TENM4: variants seen among roughly 807,000 people sequenced by gnomAD.
The protein encoded by TENM4 is teneurin transmembrane protein 4.
In TENM4, 82 loss-of-function variants were observed where a neutral mutation model predicts 243.3. The observed-to-expected ratio is 0.34, with a 90% confidence interval of 0.28 to 0.40. The LOEUF is 0.40. Among genes scored for constraint, TENM4 ranks in the 10% least tolerant of loss-of-function variants. TENM4 has a pLI of 1.00. For missense variants in TENM4, 3,138 were observed against 3,673.3 expected, an observed-to-expected ratio of 0.85 and a Z score of 3.77; for synonymous variants, 1,412 against 1,456.3, an observed-to-expected ratio of 0.97 and a Z score of 0.69.
intron 28 of TENM4, 43 bp downstream of exon 28, chr11:78,701,483 T>C: frequency 6.6e-7 from 1 of 1,521,766 alleles, no homozygotes; most frequent in Non-Finnish European, 8.8e-7. Flanking sequence ...CTACAATGAA[T>C]TAATGAAACA....
chr11:78,898,363 C>T (rs1362229556), intron 7 of TENM4, among the ~76,000 whole-genome samples: 1 of 152,200 alleles, frequency 6.6e-6, no homozygotes, highest in Non-Finnish European at 1.5e-5. Flanking sequence ...AGTATTTATT[C>T]AGCCATTAAT....
chr11:79,307,971 C>CT (rs1399943854), intron 1 of TENM4, among the ~76,000 whole-genome samples: 12 of 152,260 alleles, frequency 7.9e-5, no homozygotes, highest in Non-Finnish European at 1.5e-5. Flanking sequence ...TCTCAGACAG[C>CT]TTCAGCCACC....
chr11:78,969,294 A>G (rs1259788111), intron 6 of TENM4, among the ~76,000 whole-genome samples: 1 of 152,250 alleles, frequency 6.6e-6, no homozygotes, highest in Admixed American at 6.5e-5. Flanking sequence ...AACTGTCCTA[A>G]TACATAAAGA....
At chr11:79,094,388 A>G (rs1861029597) in intron 4 of TENM4, among the ~76,000 whole-genome samples, 1 of 152,146 alleles carries the variant, frequency 6.6e-6, no homozygotes, top group South Asian at 2.1e-4. Context: ...AGGGGTGTGA[A>G]AAGAGTTGTC....
chr11:78,844,576 A>G (rs1446086225), intron 12 of TENM4, among the ~76,000 whole-genome samples: 1 of 151,862 alleles, frequency 6.6e-6, no homozygotes. Context: ...AGGCAGGTGG[A>G]GTTTGCAGTG....
chr11:79,159,594 C>T (rs1270109558), intron 3 of TENM4, among the ~76,000 whole-genome samples: 1 of 152,136 alleles, frequency 6.6e-6, no homozygotes, highest in African/African-American at 2.4e-5. Context: ...AATTACATGA[C>T]TCTTCCAGCT....
At chr11:78,941,580 T>G (rs951343222) in intron 6 of TENM4, among the ~76,000 whole-genome samples, 1 of 147,134 alleles carries the variant, frequency 6.8e-6, no homozygotes, top group African/African-American at 2.5e-5. Flanking sequence ...AGGCAAGCCC[T>G]GGCACGGCGC....
In TENM4 at chr11:78,903,472, G is replaced by C; in HGVS notation, c.545C>G (p.Pro182Arg). Residue 182 changes from proline (P) to arginine (R), a missense_variant, in exon 7 of 34, where the codon CCG becomes CGG. This residue lies in a region of TENM4 where 671 missense variants were observed against 614.1 expected (regional missense o/e 1.09). Transcript: ENST00000278550. ...NHARLRTPPP[P>R]LSHAHTPNQH... ...GTTGGGGGTGTGGGCGTGCGAGAGC[G>C]GCGGCGGCGGCGTCCGGAGCCGCGC... 1 of 1,543,174 alleles carries C rather than the reference G, an allele frequency of 6.5e-7. No homozygotes were observed. The highest frequency in any genetic ancestry group is 8.7e-7 in the Non-Finnish European group (1 of 1,144,240).
chr11:78,735,998 C>T (rs1263138358), intron 20 of TENM4, among the ~76,000 whole-genome samples: 1 of 151,710 alleles, frequency 6.6e-6, no homozygotes, highest in Non-Finnish European at 1.5e-5. Flanking sequence ...GGCTGGAGTG[C>T]AGGAGTACAG....
chr11:79,092,080 G>A (rs1473923842), intron 4 of TENM4, among the ~76,000 whole-genome samples: 2 of 152,180 alleles, frequency 1.3e-5, no homozygotes, highest in Non-Finnish European at 2.9e-5. Context: ...TTAGGTGGGT[G>A]TTGGTCTCAT....
intron 1 of TENM4, among the ~76,000 whole-genome samples, chr11:79,387,618 A>C (rs1057277715): frequency 1.0e-5 from 1 of 99,196 alleles, no homozygotes; most frequent in African/African-American, 3.7e-5. Context: ...AATGAGTTTC[A>C]CTTCCCTTCC....
At position 78,702,310 on chromosome 11, in the gene TENM4, T is replaced by C; in HGVS notation, c.4303A>G (p.Asn1435Asp). The C allele has an allele frequency of 6.2e-7, 1 of 1,614,008 alleles. No individual in the cohort carries two copies. The highest frequency in any genetic ancestry group is 8.5e-7 in the Non-Finnish European group (1 of 1,179,902). ...CCGGCGACAATGCGCACCTGGTGGTTTTCAGAGATTTGCAGGACCACATTG... is the reference window on the plus strand; with the variant it reads ...CCGGCGACAATGCGCACCTGGTGGTCTTCAGAGATTTGCAGGACCACATTG... ...DNNVVLQISE[N>D]HQVRIVAGRP... The change falls in exon 28 of 34, where the codon AAC (asparagine) becomes GAC (aspartate). Residue 1435 changes from asparagine to aspartate, a missense_variant. Asn to Asp is a conservative substitution (Grantham distance 23, BLOSUM62 1). This residue lies in a region of TENM4 where 2,467 missense variants were observed against 3,059.1 expected (regional missense o/e 0.81). Transcript: ENST00000278550.
intron 1 of TENM4, among the ~76,000 whole-genome samples, chr11:79,305,855 A>T (rs1046601376): frequency 6.6e-5 from 10 of 152,204 alleles, no homozygotes; most frequent in Admixed American, 6.5e-4. Context: ...TCATTTGTGA[A>T]GCCACTGGTC....
At chr11:78,914,190 T>C (rs1349681693) in intron 6 of TENM4, among the ~76,000 whole-genome samples, 1 of 152,218 alleles carries the variant, frequency 6.6e-6, no homozygotes, top group Non-Finnish European at 1.5e-5. Flanking sequence ...GGCCTCAATT[T>C]GTCTATCTGA....
intron 15 of TENM4, among the ~76,000 whole-genome samples, chr11:78,792,086 G>A (rs1439903867): frequency 1.3e-5 from 2 of 152,186 alleles, no homozygotes; most frequent in East Asian, 3.8e-4. Context: ...CCTCTAGGAT[G>A]AGTGGTGACA....
chr11:78,842,476 A>T (rs906482704), intron 12 of TENM4, among the ~76,000 whole-genome samples: 20 of 152,186 alleles, frequency 1.3e-4, no homozygotes, highest in Non-Finnish European at 2.5e-4. Flanking sequence ...CCTATACAAC[A>T]CCCAACTCAT....
intron 16 of TENM4, among the ~76,000 whole-genome samples, chr11:78,785,031 T>A (rs558316425): frequency 6.7e-6 from 1 of 149,640 alleles, no homozygotes; most frequent in Non-Finnish European, 1.5e-5. Context: ...CTCTCTGGGC[T>A]CTGGTTTTTT....
rs548291793 is a variant in TENM4, at chr11:78,881,445, T to C, written c.1084+8340A>G. Among the ~76,000 whole-genome samples the C allele has an allele frequency of 7.9e-5, 12 of 152,260 alleles. No homozygotes were observed. In the South Asian group the frequency reaches 1.7e-3, roughly 21 times the overall value. Reference sequence around the variant, plus strand: ...CGGCTCCCTCACCGCCATGCCTCTATTGAAGACCATACATCCATGTCAAGC... The same window carrying C: ...CGGCTCCCTCACCGCCATGCCTCTACTGAAGACCATACATCCATGTCAAGC... On this transcript the variant is annotated intron_variant, in intron 9 of 33. Coordinates refer to ENST00000278550, the MANE Select transcript of TENM4 (RefSeq NM_001098816.3).
At chr11:79,067,357 C>T (rs1860290445) in intron 5 of TENM4, among the ~76,000 whole-genome samples, 1 of 151,886 alleles carries the variant, frequency 6.6e-6, no homozygotes, top group African/African-American at 2.4e-5. Context: ...CCTGGCCGCT[C>T]TCTGATCTAC....
Sources: gnomAD v4.1 joint callset for allele counts (sites outside exome capture counted in the v4.1 genomes callset) on GRCh38, gnomAD v4.1.1 for gene constraint, gnomAD v4.1.1 regional missense constraint, MANE v1.5 for transcripts, NCBI Gene and HGNC (gene_info 2026-07-23, HGNC 2026-07-21) for gene names.